TBX20: variants seen among roughly 807,000 people sequenced by gnomAD.
The protein encoded by TBX20 is T-box transcription factor 20.
TBX20 carries 8 observed loss-of-function variants against 42.9 expected under a neutral mutation model. The observed-to-expected ratio is 0.19, with a 90% confidence interval of 0.11 to 0.34. TBX20 has a LOEUF of 0.34. TBX20 is among the 10% of genes least tolerant of loss of function. The pLI, the probability that TBX20 is intolerant of heterozygous loss-of-function variation, is 1.00. For missense variants in TBX20, 411 were observed against 566.0 expected (o/e 0.73, Z 2.78); for synonymous variants, 198 against 222.8 (o/e 0.89, Z 0.99).
At chr7:35,251,265 T>C (rs570423574) in intron 1 of TBX20, among the ~76,000 whole-genome samples, 1 of 152,318 alleles carries the variant, frequency 6.6e-6, no homozygotes, top group African/African-American at 2.4e-5. Context: ...AAGCCAGTTC[T>C]AAATGTATGT....
intron 1 of TBX20, among the ~76,000 whole-genome samples, chr7:35,251,746 A>G (rs1281808054): frequency 6.6e-6 from 1 of 152,202 alleles, no homozygotes; most frequent in Non-Finnish European, 1.5e-5. Flanking sequence ...CCTGGGACAC[A>G]CTGGAATCCC....
chr7:35,245,100 A>T, intron 3 of TBX20, 43 bp from the exon 4 acceptor site: 1 of 1,394,470 alleles, frequency 7.2e-7, no homozygotes, highest in Non-Finnish European at 1.0e-6. Context: ...TTCTTTAAAA[A>T]GTCTGTCTCT....
In TBX20 at chr7:35,235,053, C is replaced by A. The variant is rs187194357; in HGVS notation, c.814-3473G>T. ...AAGCACAGTGAGAAATATGATCTCA[C>A]CTTTTCACCAATTATGAACTAAGTG... On this transcript the variant is annotated intron_variant, in intron 5 of 7. Coordinates refer to ENST00000408931, the MANE Select transcript of TBX20 (RefSeq NM_001077653.2). 5.8e-3 allele frequency among the ~76,000 whole-genome samples: 884 copies of A among 152,114 alleles called. 8 individuals carry two copies. Among genetic ancestry groups the A allele is most frequent in the African/African-American group, 0.02 (843 of 41,502 alleles).
chr7:35,248,918 G>A (rs1790250774), intron 2 of TBX20, 77 bp from the exon 3 acceptor site: 3 of 1,578,200 alleles, frequency 1.9e-6, no homozygotes, highest in East Asian at 4.5e-5. Flanking sequence ...AGAGAGGAAG[G>A]GAGGGAGGGA....
Position 35,231,203 on chromosome 7 carries a change from C to T in TBX20, c.890+301G>A, listed in dbSNP as rs13312239. On this transcript the variant is annotated intron_variant, in intron 6 of 7. Transcript: ENST00000408931. ...CTATAGACTGCCACTCATTGAGACACGAAGCTTAAGAATGTCAAGAGGACT... is the reference window on the plus strand; with the variant it reads ...CTATAGACTGCCACTCATTGAGACATGAAGCTTAAGAATGTCAAGAGGACT... 5.3e-5 allele frequency among the ~76,000 whole-genome samples: 8 copies of T among 152,228 alleles called. No homozygotes were observed. In the South Asian group the frequency reaches 1.2e-3, roughly 24 times the overall value.
Position 35,240,773 on chromosome 7 carries a change from T to A in TBX20, c.813+106A>T, listed in dbSNP as rs1003452651. 3.6e-4 allele frequency: 377 copies of A among 1,048,480 alleles called. 2 individuals carry two copies. Among genetic ancestry groups the A allele is most frequent in the Non-Finnish European group, 5.0e-5 (34 of 686,542 alleles). 64.9% of individuals were successfully genotyped at this position (1,048,480 alleles called of 1,614,324 possible). The stretch of plus-strand genomic sequence containing the variant: ...TGAAACTCAATAGCTCTCTGCAAAG[T>A]GAACATCCATTTTGAGTACTGGGAT... On this transcript the variant is annotated intron_variant, in intron 5 of 7. Transcript: ENST00000408931.
intron 1 of TBX20, 26 bp from the exon 2 acceptor site, chr7:35,250,229 ACAGCTGACACTGTT>A: frequency 6.2e-7 from 1 of 1,613,622 alleles, no homozygotes; most frequent in Non-Finnish European, 8.5e-7. Context: ...ATTGTGAATG[ACAGCTGACACTGTT>A]CAACAAGGAA....
At chr7:35,203,411 G>T (rs1297842573) in intron 7 of TBX20, among the ~76,000 whole-genome samples, 4 of 151,796 alleles carry the variant, frequency 2.6e-5, no homozygotes, top group African/African-American at 9.7e-5. Context: ...CTCCGAGACA[G>T]CAAGACCAAC....
chr7:35,242,381 G>A (rs866660227), intron 4 of TBX20, among the ~76,000 whole-genome samples: 2 of 152,278 alleles, frequency 1.3e-5, no homozygotes, highest in Middle Eastern at 6.8e-3. Context: ...GTTTTTGAAT[G>A]ATAATATGAT....
At chr7:35,212,827 C>T (rs1233749216) in intron 6 of TBX20, among the ~76,000 whole-genome samples, 2 of 152,182 alleles carry the variant, frequency 1.3e-5, no homozygotes, top group Non-Finnish European at 2.9e-5. Flanking sequence ...GTAGTTTCAT[C>T]GTATGGATTC....
chr7:35,238,571 A>G (rs1451745743), intron 5 of TBX20, among the ~76,000 whole-genome samples: 1 of 152,204 alleles, frequency 6.6e-6, no homozygotes, highest in Non-Finnish European at 1.5e-5. Context: ...TATGAAATCA[A>G]TTAGTATAAA....
In TBX20 at chr7:35,248,691, C is replaced by T. The variant is rs568702145; in HGVS notation, c.531G>A (p.Pro177=). The change falls in exon 3 of 8, where the codon CCG becomes CCA. Residue 177 remains proline, a synonymous_variant. Coordinates refer to ENST00000408931, the MANE Select transcript of TBX20 (RefSeq NM_001077653.2). ...GAGGCACGAACCTGGCTGGCAACGG[C>T]GGGTCGGCCTTGCCAGCCACCAGCC... ...SSWLVAGKAD[P]PLPARLYVHP... 2.0e-5 allele frequency: 32 copies of T among 1,611,398 alleles called. 1 individual carries two copies. In the East Asian group the frequency reaches 3.6e-4, roughly 18 times the overall value.
intron 4 of TBX20, among the ~76,000 whole-genome samples, chr7:35,243,633 C>CA (rs1276698436): frequency 2.6e-5 from 4 of 151,500 alleles, no homozygotes; most frequent in Admixed American, 6.6e-5. Context: ...CACTGACCTA[C>CA]AAAAAAATCA....
At chr7:35,227,049 T>C (rs1275763141) in intron 6 of TBX20, among the ~76,000 whole-genome samples, 4 of 150,182 alleles carry the variant, frequency 2.7e-5, no homozygotes, top group Admixed American at 6.6e-5. Context: ...TGTGTGATTA[T>C]GTCTTAGGTT....
At chr7:35,204,090 C>T (rs1254893806) in intron 7 of TBX20, among the ~76,000 whole-genome samples, 2 of 152,164 alleles carry the variant, frequency 1.3e-5, no homozygotes, top group African/African-American at 4.8e-5. Context: ...ATAGATGGAA[C>T]AGATATATTC....
chr7:35,204,298 T>C (rs1442475832), intron 7 of TBX20, among the ~76,000 whole-genome samples, 172 bp downstream of exon 7: 8 of 151,784 alleles, frequency 5.3e-5, no homozygotes, highest in Non-Finnish European at 1.2e-4. Context: ...AAAGGCAAAA[T>C]AATGAAATCT....
intron 6 of TBX20, among the ~76,000 whole-genome samples, chr7:35,213,047 C>A (rs990196846): frequency 6.6e-6 from 1 of 152,154 alleles, no homozygotes; most frequent in South Asian, 2.1e-4. Context: ...CTGTATTCTC[C>A]CCCACTGCCA....
chr7:35,225,383 AT>A (rs1232828326), intron 6 of TBX20, among the ~76,000 whole-genome samples: 2 of 152,208 alleles, frequency 1.3e-5, no homozygotes, highest in African/African-American at 4.8e-5. Flanking sequence ...TCTAATTGAT[AT>A]TTTTTAAATG....
intron 6 of TBX20, among the ~76,000 whole-genome samples, chr7:35,226,029 C>T (rs1162637590): frequency 1.3e-5 from 2 of 151,884 alleles, no homozygotes; most frequent in East Asian, 3.9e-4. Context: ...GAAATGAATA[C>T]ATTAGTAAAT....
Sources: gnomAD v4.1 joint callset for allele counts (sites outside exome capture counted in the v4.1 genomes callset) on GRCh38, gnomAD v4.1.1 for gene constraint, MANE v1.5 for transcripts, NCBI Gene and HGNC (gene_info 2026-07-23, HGNC 2026-07-21) for gene names.